MGAT4C: variants seen among roughly 807,000 people sequenced by gnomAD.
The protein encoded by MGAT4C is MGAT4 family member C, also known as alpha-1,3-mannosyl-glycoprotein 4-beta-N-acetylglucosaminyltransferase C.
MGAT4C carries 19 observed loss-of-function variants against 40.1 expected under a neutral mutation model. The observed-to-expected ratio is 0.47, with a 90% CI of 0.33 to 0.70. MGAT4C has a LOEUF of 0.70. Among genes scored for constraint, MGAT4C ranks in the 30% least tolerant of loss-of-function variants. MGAT4C has a pLI of 0.02. For synonymous variants in MGAT4C, 181 were observed against 187.1 expected (o/e 0.97, Z 0.27); for missense variants, 491 against 563.2 (o/e 0.87, Z 1.30).
intron 2 of MGAT4C, among the ~76,000 whole-genome samples, chr12:86,623,918 C>T (rs1962718529): frequency 6.6e-6 from 1 of 152,092 alleles, no homozygotes; most frequent in Non-Finnish European, 1.5e-5. Flanking sequence ...GCTTTGAATA[C>T]AAGCAACCTA....
intron 1 of MGAT4C, among the ~76,000 whole-genome samples, chr12:86,244,010 T>C (rs1322432025): frequency 6.6e-6 from 1 of 152,212 alleles, no homozygotes; most frequent in Non-Finnish European, 1.5e-5. Context: ...AAGGCTATGC[T>C]GCTGCTGGTG....
At chr12:86,528,878 C>T (rs1958929348) in intron 2 of MGAT4C, among the ~76,000 whole-genome samples, 1 of 151,692 alleles carries the variant, frequency 6.6e-6, no homozygotes, top group South Asian at 2.1e-4. Flanking sequence ...ATGCAAAAAA[C>T]ATTAATTAAC....
chr12:86,105,532 A>G (rs1484403131), intron 1 of MGAT4C, among the ~76,000 whole-genome samples: 1 of 152,162 alleles, frequency 6.6e-6, no homozygotes, highest in African/African-American at 2.4e-5. Flanking sequence ...TGCAGCATCT[A>G]TCTCACGTTT....
chr12:86,325,883 G>A (rs1356745600), intron 4 of MGAT4C, among the ~76,000 whole-genome samples: 7 of 149,314 alleles, frequency 4.7e-5, no homozygotes, highest in Non-Finnish European at 4.5e-5. Context: ...TCTCCAAAAA[G>A]AAAAAAAAAA....
At chr12:86,427,096 C>T (rs1359463947) in intron 3 of MGAT4C, among the ~76,000 whole-genome samples, 1 of 152,138 alleles carries the variant, frequency 6.6e-6, no homozygotes, top group Non-Finnish European at 1.5e-5. Context: ...GAAAGGCCAT[C>T]ACAGATTTGG....
chr12:86,535,660 A>G (rs1959056129), intron 2 of MGAT4C, among the ~76,000 whole-genome samples: 1 of 152,126 alleles, frequency 6.6e-6, no homozygotes, highest in Non-Finnish European at 1.5e-5. Context: ...GACTTTTAAA[A>G]AGAACTTGTA....
chr12:86,010,678 TAACA>T (rs764594324), intron 2 of MGAT4C, among the ~76,000 whole-genome samples: 18 of 132,196 alleles, frequency 1.4e-4, no homozygotes, highest in Non-Finnish European at 2.4e-4. Flanking sequence ...ACTCTGTCTC[TAACA>T]AACAAACAAA....
intron 1 of MGAT4C, among the ~76,000 whole-genome samples, chr12:86,813,658 A>C (rs1952522304): frequency 6.6e-6 from 1 of 152,032 alleles, no homozygotes; most frequent in African/African-American, 2.4e-5. Context: ...TTTCTGAAAA[A>C]TTGCCTTAGG....
intron 3 of MGAT4C, among the ~76,000 whole-genome samples, chr12:86,362,202 C>G (rs1001600412): frequency 2.6e-5 from 4 of 152,134 alleles, no homozygotes; most frequent in African/African-American, 9.7e-5. Context: ...ATGGATGAAG[C>G]TGGAAACCAT....
chr12:86,687,689 G>T (rs1950096853), intron 2 of MGAT4C, among the ~76,000 whole-genome samples: 1 of 152,176 alleles, frequency 6.6e-6, no homozygotes, highest in Non-Finnish European at 1.5e-5. Flanking sequence ...TGATTGCACT[G>T]TGGTCTGAGA....
intron 2 of MGAT4C, among the ~76,000 whole-genome samples, chr12:86,685,233 C>G (rs1950052646): frequency 6.6e-6 from 1 of 152,086 alleles, no homozygotes; most frequent in Admixed American, 6.5e-5. Context: ...AGAAGGGGTC[C>G]AGGTTCAGAT....
At chr12:86,292,877 A>C (rs1160533145) in intron 4 of MGAT4C, among the ~76,000 whole-genome samples, 1 of 152,066 alleles carries the variant, frequency 6.6e-6, no homozygotes, top group East Asian at 1.9e-4. Flanking sequence ...GGGACTTCTA[A>C]ATTATAACAG....
At chr12:86,791,298 T>C (rs901387966) in intron 1 of MGAT4C, among the ~76,000 whole-genome samples, 2 of 152,106 alleles carry the variant, frequency 1.3e-5, no homozygotes, top group Admixed American at 6.6e-5. Flanking sequence ...TAGAATATCA[T>C]AAGTATTTGA....
intron 4 of MGAT4C, among the ~76,000 whole-genome samples, chr12:86,318,099 A>G (rs1954291098): frequency 6.6e-6 from 1 of 152,230 alleles, no homozygotes; most frequent in East Asian, 1.9e-4. Flanking sequence ...CAAAGGAAAA[A>G]GAAGCTGGAA....
intron 3 of MGAT4C, among the ~76,000 whole-genome samples, chr12:86,379,407 C>T (rs558268308): frequency 6.6e-6 from 1 of 152,186 alleles, no homozygotes; most frequent in South Asian, 2.1e-4. Context: ...AATATTTATT[C>T]CAACTTCTGC....
At chr12:86,310,872 C>T (rs1041947897) in intron 4 of MGAT4C, among the ~76,000 whole-genome samples, 11 of 152,072 alleles carry the variant, frequency 7.2e-5, no homozygotes, top group South Asian at 4.1e-4. Flanking sequence ...TGCAGTGAGC[C>T]GAGATCGCAC....
chr12:86,214,566 T>A (rs1950597495), intron 1 of MGAT4C, among the ~76,000 whole-genome samples: 1 of 152,192 alleles, frequency 6.6e-6, no homozygotes, highest in Non-Finnish European at 1.5e-5. Flanking sequence ...ATTTGCTTGG[T>A]GAGATCCCTC....
intron 2 of MGAT4C, among the ~76,000 whole-genome samples, chr12:86,613,179 C>A (rs1040724081): frequency 2.0e-5 from 3 of 152,056 alleles, no homozygotes; most frequent in African/African-American, 7.2e-5. Flanking sequence ...GAGGATGATT[C>A]TACCAATTTA....
intron 2 of MGAT4C, among the ~76,000 whole-genome samples, chr12:86,698,231 G>A (rs535332277): frequency 2.6e-5 from 4 of 151,824 alleles, no homozygotes; most frequent in East Asian, 1.9e-4. Context: ...CTGAAATATC[G>A]TAAAGGAGTA....
Sources: gnomAD v4.1 joint callset for allele counts (sites outside exome capture counted in the v4.1 genomes callset) on GRCh38, gnomAD v4.1.1 for gene constraint, MANE v1.5 for transcripts, NCBI Gene and HGNC (gene_info 2026-07-23, HGNC 2026-07-21) for gene names.